The following GABRB3 variants were observed in gnomAD, a reference collection of about 807,000 sequenced individuals.
GABRB3 encodes gamma-aminobutyric acid receptor subunit beta-3.
Under a neutral mutation model 52.1 loss-of-function variants are expected in GABRB3, and 14 were observed. The observed-to-expected ratio is 0.27, with a 90% CI of 0.18 to 0.42. The LOEUF (loss-of-function observed/expected upper bound fraction) is 0.42, where lower values mean the gene tolerates loss of function less well. Among genes scored for constraint, GABRB3 ranks in the 10% least tolerant of loss-of-function variants. The pLI is 1.00. For synonymous variants in GABRB3, 260 were observed against 232.3 expected (o/e 1.12, Z -1.08); for missense variants, 307 against 609.1 (o/e 0.50, Z 5.22).
intron 3 of GABRB3, chr15:26,624,663 T>A: frequency 1.0e-6 from 1 of 985,428 alleles, no homozygotes; most frequent in African/African-American, 1.7e-5. Flanking sequence ...AAAAACAGTA[T>A]GAAAATCCAA....
Position 26,772,474 on chromosome 15 carries a change from G to C in GABRB3, c.173-5C>G, listed in dbSNP as rs547678442. 4 of 1,609,702 alleles carry C rather than the reference G, an allele frequency of 2.5e-6. No individual in the cohort carries two copies. Among genetic ancestry groups the C allele is most frequent in the African/African-American group, 2.7e-5 (2 of 74,796 alleles). On this transcript the variant is annotated splice_region_variant and splice_polypyrimidine_tract_variant and intron_variant, in intron 2 of 8. Transcript: ENST00000311550. ...TCCCCACGCAGACCGGGGGACCTGCGGGAAGCACAGGACACGGCGATCAGC... is the reference window on the plus strand; with the variant it reads ...TCCCCACGCAGACCGGGGGACCTGCCGGAAGCACAGGACACGGCGATCAGC...
At chr15:26,770,373 A>G (rs1379353025) in intron 3 of GABRB3, among the ~76,000 whole-genome samples, 2 of 152,224 alleles carry the variant, frequency 1.3e-5, no homozygotes, top group African/African-American at 4.8e-5. Flanking sequence ...CCTGTTGGCT[A>G]TGGAATATAC....
At chr15:26,583,250 C>G in intron 5 of GABRB3, 82 bp downstream of exon 5, 1 of 1,122,932 alleles carries the variant, frequency 8.9e-7, no homozygotes, top group Non-Finnish European at 1.4e-6. Context: ...ATTATGGATG[C>G]CTTGAAAAAA....
At chr15:26,606,409 A>G (rs1006173139) in intron 4 of GABRB3, among the ~76,000 whole-genome samples, 1 of 152,158 alleles carries the variant, frequency 6.6e-6, no homozygotes, top group African/African-American at 2.4e-5. Flanking sequence ...CATGTATCCC[A>G]TGAATATAGA....
intron 3 of GABRB3, chr15:26,642,504 C>T: frequency 7.8e-7 from 1 of 1,288,876 alleles, no homozygotes; most frequent in Non-Finnish European, 1.0e-6. Context: ...GTGGCTGAAT[C>T]CTAGCTGTGC....
At chr15:26,575,179 T>C (rs758684213) in intron 6 of GABRB3, among the ~76,000 whole-genome samples, 11 of 152,224 alleles carry the variant, frequency 7.2e-5, no homozygotes, top group Non-Finnish European at 1.5e-4. Flanking sequence ...AAAAAAGATT[T>C]AAGGCAATGA....
At chr15:26,655,504 A>C (rs1365424745) in intron 3 of GABRB3, among the ~76,000 whole-genome samples, 1 of 152,156 alleles carries the variant, frequency 6.6e-6, no homozygotes, top group East Asian at 1.9e-4. Context: ...GCACTTTGGG[A>C]GGCCAAGGCA....
chr15:26,556,125 C>T (rs1889742096), intron 8 of GABRB3, among the ~76,000 whole-genome samples: 1 of 152,164 alleles, frequency 6.6e-6, no homozygotes, highest in South Asian at 2.1e-4. Context: ...CATGAATACT[C>T]TTTATTTTGA....
At chr15:26,657,910 C>G (rs1040513705) in intron 3 of GABRB3, among the ~76,000 whole-genome samples, 1 of 152,154 alleles carries the variant, frequency 6.6e-6, no homozygotes, top group South Asian at 2.1e-4. Context: ...CCAAAACAAA[C>G]CCCGTTCTTA....
chr15:26,665,817 T>C (rs1389154203), intron 3 of GABRB3, among the ~76,000 whole-genome samples: 1 of 152,218 alleles, frequency 6.6e-6, no homozygotes, highest in East Asian at 1.9e-4. Flanking sequence ...AATGAGCTAC[T>C]TCATATGACA....
At chr15:26,666,225 T>C (rs929284064) in intron 3 of GABRB3, among the ~76,000 whole-genome samples, 7 of 152,318 alleles carry the variant, frequency 4.6e-5, no homozygotes, top group African/African-American at 1.7e-4. Context: ...GCATTACTCC[T>C]TCATTCTACC....
At chr15:26,702,614 T>A (rs1283105161) in intron 3 of GABRB3, among the ~76,000 whole-genome samples, 1 of 152,148 alleles carries the variant, frequency 6.6e-6, no homozygotes, top group Non-Finnish European at 1.5e-5. Context: ...GATGAGAACA[T>A]AAAATGATAC....
intron 3 of GABRB3, among the ~76,000 whole-genome samples, chr15:26,652,539 A>G (rs550072465): frequency 1.3e-5 from 2 of 152,352 alleles, no homozygotes; most frequent in African/African-American, 4.8e-5. Context: ...TGGGGCCATA[A>G]TTCCATCAAA....
At chr15:26,705,145 T>C (rs1413296919) in intron 3 of GABRB3, among the ~76,000 whole-genome samples, 1 of 152,196 alleles carries the variant, frequency 6.6e-6, no homozygotes, top group Non-Finnish European at 1.5e-5. Flanking sequence ...AATGTATTCC[T>C]TCACATTTCT....
chr15:26,743,373 C>T (rs1016944183), intron 3 of GABRB3, among the ~76,000 whole-genome samples: 2 of 152,188 alleles, frequency 1.3e-5, no homozygotes, highest in Non-Finnish European at 1.5e-5. Context: ...AATCCCAGTT[C>T]CACGAAGGCT....
chr15:26,679,737 A>G (rs1405944098), intron 3 of GABRB3, among the ~76,000 whole-genome samples: 1 of 152,036 alleles, frequency 6.6e-6, no homozygotes, highest in African/African-American at 2.4e-5. Flanking sequence ...AGCCTGTCCC[A>G]GTGAGCAGGG....
chr15:26,709,558 C>T (rs1483593882), intron 3 of GABRB3, among the ~76,000 whole-genome samples: 5 of 134,344 alleles, frequency 3.7e-5, no homozygotes, highest in Middle Eastern at 5.4e-3. Flanking sequence ...TGCTCTGTCG[C>T]CCAGACTGGA....
chr15:26,748,143 T>A (rs563888720), intron 3 of GABRB3, among the ~76,000 whole-genome samples: 3 of 152,256 alleles, frequency 2.0e-5, no homozygotes, highest in East Asian at 3.9e-4. Flanking sequence ...TCAGAATTTT[T>A]GTGCCATTGT....
At chr15:26,742,447 T>G (rs1210629610) in intron 3 of GABRB3, among the ~76,000 whole-genome samples, 3 of 152,092 alleles carry the variant, frequency 2.0e-5, no homozygotes, top group Admixed American at 6.6e-5. Context: ...GTCCAAATAT[T>G]CCTTTATGTT....
Sources: allele counts gnomAD v4.1 joint callset (sites outside exome capture counted in the v4.1 genomes callset), GRCh38; gene constraint gnomAD v4.1.1; transcripts MANE v1.5; gene names NCBI Gene and HGNC (gene_info 2026-07-23, HGNC 2026-07-21).